The following SH3PXD2A variants were observed in gnomAD, a reference collection of about 807,000 sequenced individuals.
The protein encoded by SH3PXD2A is SH3 and PX domain-containing protein 2A.
SH3PXD2A carries 32 observed loss-of-function variants against 115.2 expected under a neutral mutation model. The observed-to-expected ratio is 0.28, with a 90% CI of 0.21 to 0.37. SH3PXD2A has a LOEUF of 0.37. Among genes scored for constraint, SH3PXD2A ranks in the 10% least tolerant of loss-of-function variants. The pLI is 1.00. For synonymous variants in SH3PXD2A, 610 were observed against 629.1 expected (o/e 0.97, Z 0.45); for missense variants, 1,328 against 1,498.7 (o/e 0.89, Z 1.88).
At chr10:103,696,218 G>A (rs551594709) in intron 5 of SH3PXD2A, among the ~76,000 whole-genome samples, 2 of 152,228 alleles carry the variant, frequency 1.3e-5, no homozygotes, top group African/African-American at 2.4e-5. Context: ...TGGCCTGCCC[G>A]AGCAGGCGCT....
intron 3 of SH3PXD2A, among the ~76,000 whole-genome samples, chr10:103,751,804 G>A (rs371394208): frequency 6.6e-6 from 1 of 152,152 alleles, no homozygotes; most frequent in Non-Finnish European, 1.5e-5. Context: ...AAAGAGAGAG[G>A]GTTTCTCCAA....
At chr10:103,629,291 T>G (rs949412048) in intron 8 of SH3PXD2A, among the ~76,000 whole-genome samples, 1 of 152,142 alleles carries the variant, frequency 6.6e-6, no homozygotes, top group African/African-American at 2.4e-5. Flanking sequence ...AACCCACTAG[T>G]TGGGGACTGG....
At chr10:103,633,038 C>G (rs562370994) in intron 8 of SH3PXD2A, among the ~76,000 whole-genome samples, 2 of 152,240 alleles carry the variant, frequency 1.3e-5, no homozygotes, top group Admixed American at 1.3e-4. Flanking sequence ...GAGTCTGACA[C>G]AGGAAGGACC....
intron 8 of SH3PXD2A, among the ~76,000 whole-genome samples, chr10:103,630,745 TAAAAAAAAAAAA>T (rs57562821): frequency 3.5e-4 from 41 of 117,418 alleles, no homozygotes; most frequent in Non-Finnish European, 6.9e-5. Flanking sequence ...TCCCTTCTCT[TAAAAAAAAAAAA>T]AAAAAAAAGG....
intron 1 of SH3PXD2A, among the ~76,000 whole-genome samples, chr10:103,832,930 A>G (rs1438701135): frequency 2.0e-5 from 3 of 152,242 alleles, no homozygotes; most frequent in African/African-American, 7.2e-5. Context: ...ACCAGGTCAC[A>G]TGATAAGCAC....
At chr10:103,685,743 A>C (rs1303556690) in intron 6 of SH3PXD2A, among the ~76,000 whole-genome samples, 1 of 152,218 alleles carries the variant, frequency 6.6e-6, no homozygotes, top group East Asian at 1.9e-4. Context: ...TGAGCCATAG[A>C]GAAGGACTTG....
intron 5 of SH3PXD2A, among the ~76,000 whole-genome samples, chr10:103,705,319 G>T (rs1262287822): frequency 6.6e-6 from 1 of 152,248 alleles, no homozygotes; most frequent in Non-Finnish European, 1.5e-5. Context: ...GCCAGGCCTT[G>T]GTGGGAGTCA....
intron 8 of SH3PXD2A, among the ~76,000 whole-genome samples, chr10:103,647,258 C>T (rs1020146320): frequency 1.1e-4 from 17 of 152,286 alleles, no homozygotes; most frequent in African/African-American, 3.1e-4. Context: ...ATTTGGATGT[C>T]TCCGTCCCTC....
At chr10:103,729,832 T>A (rs2038292772) in intron 4 of SH3PXD2A, among the ~76,000 whole-genome samples, 1 of 152,198 alleles carries the variant, frequency 6.6e-6, no homozygotes, top group African/African-American at 2.4e-5. Context: ...TTTCCAGTCC[T>A]AAACTGTCCT....
At chr10:103,779,456 G>A (rs2134239288) in intron 2 of SH3PXD2A, among the ~76,000 whole-genome samples, 1 of 152,278 alleles carries the variant, frequency 6.6e-6, no homozygotes, top group South Asian at 2.1e-4. Context: ...GTGGGAGCTG[G>A]GGGAGCCTGG....
chr10:103,628,079 G>A (rs2036725215), intron 8 of SH3PXD2A, among the ~76,000 whole-genome samples: 1 of 152,218 alleles, frequency 6.6e-6, no homozygotes, highest in Admixed American at 6.5e-5. Context: ...GGCCGCCCAA[G>A]GATCTAGAAG....
intron 8 of SH3PXD2A, among the ~76,000 whole-genome samples, chr10:103,649,952 T>C (rs2037093662): frequency 6.6e-6 from 1 of 152,160 alleles, no homozygotes; most frequent in Non-Finnish European, 1.5e-5. Context: ...GAGCACACCA[T>C]GCATCCTTCC....
In SH3PXD2A at chr10:103,665,964, G is replaced by A. The variant is rs2037378852; in HGVS notation, c.472+2644C>T. On this transcript the variant is annotated intron_variant, in intron 7 of 14. Coordinates refer to ENST00000369774, the MANE Select transcript of SH3PXD2A (RefSeq NM_001394015.1). The surrounding 1 kb of genome is among the most constrained non-coding windows in gnomAD (Gnocchi z 4.0). ...TATTACAGAGCCCCTGGCTGGACCTGCTGGGGTCCCAGGGGTCCCCTGGAC... is the reference window on the plus strand; with the variant it reads ...TATTACAGAGCCCCTGGCTGGACCTACTGGGGTCCCAGGGGTCCCCTGGAC... Among the ~76,000 whole-genome samples, 1 of 152,132 alleles carries A rather than the reference G, an allele frequency of 6.6e-6. No homozygotes were observed. The highest frequency in any genetic ancestry group is 2.1e-4 in the South Asian group (1 of 4,816).
chr10:103,690,330 G>A (rs1031318559), intron 6 of SH3PXD2A, among the ~76,000 whole-genome samples: 1 of 152,336 alleles, frequency 6.6e-6, no homozygotes. Context: ...GTGTGTATTA[G>A]TCAGTGTTCT....
At chr10:103,831,292 A>G (rs1392002183) in intron 1 of SH3PXD2A, among the ~76,000 whole-genome samples, 1 of 152,194 alleles carries the variant, frequency 6.6e-6, no homozygotes, top group Admixed American at 6.5e-5. Context: ...TGAATATCCT[A>G]TACCTTATTT....
At chr10:103,829,941 G>C (rs2039468572) in intron 1 of SH3PXD2A, among the ~76,000 whole-genome samples, 1 of 152,194 alleles carries the variant, frequency 6.6e-6, no homozygotes, top group Admixed American at 6.5e-5. Flanking sequence ...TTTAAACAGA[G>C]CTAAATCCCA....
In SH3PXD2A at chr10:103,656,300, G is replaced by T. The variant is rs182193688; in HGVS notation, c.604+4683C>A. 6.2e-4 allele frequency among the ~76,000 whole-genome samples: 95 copies of T among 152,312 alleles called. 1 individual carries two copies. In the East Asian group the frequency reaches 0.018, roughly 28 times the overall value. Reference sequence around the variant, plus strand: ...GACACAGCTTATTGGACCAGGGCTGGACACCCGATCTAACGTTTGCCAATC... The same window carrying T: ...GACACAGCTTATTGGACCAGGGCTGTACACCCGATCTAACGTTTGCCAATC... On this transcript the variant is annotated intron_variant, in intron 8 of 14. Coordinates refer to ENST00000369774, the MANE Select transcript of SH3PXD2A (RefSeq NM_001394015.1).
intron 8 of SH3PXD2A, among the ~76,000 whole-genome samples, chr10:103,631,225 A>AGTGAGCTATGATTGTGCCG: frequency 6.6e-6 from 1 of 152,152 alleles, no homozygotes; most frequent in Non-Finnish European, 1.5e-5. Context: ...TGATTGTGCC[A>AGTGAGCTATGATTGTGCCG]CTGCACTGGA....
rs747458165 is a variant in SH3PXD2A at position 103,603,723 on chromosome 10, C to T, written c.1495G>A (p.Ala499Thr). The T allele has an allele frequency of 1.5e-5, 24 of 1,610,636 alleles. No individual in the cohort carries two copies. Among genetic ancestry groups the T allele is most frequent in the East Asian group, 2.2e-5 (1 of 44,868 alleles). Residue 499 changes from alanine to threonine, a missense_variant, in exon 15 of 15, where the codon GCA becomes ACA. Transcript: ENST00000369774. ...TTCTTGCGCTTATCGATGTATGATG[C>T]GGGGGCCCAGCCCTCCTTCTCACCG... ...QIGEKEGWAP[A>T]SYIDKRKKPN...
Sources: gnomAD v4.1 joint callset for allele counts (sites outside exome capture counted in the v4.1 genomes callset) on GRCh38, gnomAD v4.1.1 for gene constraint, Gnocchi (gnomAD v3.1) non-coding constraint, MANE v1.5 for transcripts, NCBI Gene and HGNC (gene_info 2026-07-23, HGNC 2026-07-21) for gene names.